GAPVD1: variants seen among roughly 807,000 people sequenced by gnomAD.
GAPVD1 encodes GTPase-activating protein and VPS9 domain-containing protein 1.
In GAPVD1, 35 loss-of-function variants were observed where a neutral mutation model predicts 155.5. That is an observed-to-expected ratio of 0.23 (90% CI 0.17 to 0.30). The LOEUF (loss-of-function observed/expected upper bound fraction) is 0.30, where lower values mean the gene tolerates loss of function less well. Ranked by LOEUF, GAPVD1 falls within the 10% of genes least tolerant of loss-of-function variation. The probability of loss-of-function intolerance (pLI) is 1.00; values close to 1 mark genes in which losing one functional copy is unlikely to be tolerated. For synonymous variants in GAPVD1, 636 were observed against 619.7 expected (o/e 1.03, Z -0.39); for missense variants, 1,429 against 1,775.7 (o/e 0.80, Z 3.51).
intron 1 of GAPVD1, among the ~76,000 whole-genome samples, chr9:125,266,565 G>A (rs944706963): frequency 6.6e-6 from 1 of 151,854 alleles, no homozygotes; most frequent in African/African-American, 2.4e-5. Flanking sequence ...CACCTGCCTC[G>A]GCCTCCCAAA....
chr9:125,313,080 A>C (rs190369369), intron 9 of GAPVD1, among the ~76,000 whole-genome samples: 16 of 152,204 alleles, frequency 1.1e-4, no homozygotes, highest in African/African-American at 3.9e-4. Flanking sequence ...TTTGCCTCCC[A>C]AAGTGCTGAG....
rs1254285692 is a variant in GAPVD1 at position 125,302,160 on chromosome 9, T to C, written c.363T>C (p.Asn121=). The change falls in exon 5 of 28, where the codon AAT becomes AAC. Residue 121 remains asparagine, a synonymous_variant. Coordinates refer to ENST00000297933, the MANE Select transcript of GAPVD1 (RefSeq NM_001282680.3). ...CTTTGGTTGCTGGAGAGAAACTTAATCAGGAGAACACACAAAGTGTTATTT... is the reference window on the plus strand; with the variant it reads ...CTTTGGTTGCTGGAGAGAAACTTAACCAGGAGAACACACAAAGTGTTATTT... The part of the protein sequence containing the change: ...ASSLVAGEKL[N]QENTQSVIYT... 6 of 1,613,936 alleles carry C rather than the reference T, an allele frequency of 3.7e-6. No homozygotes were observed. The highest frequency in any genetic ancestry group is 5.1e-6 in the Non-Finnish European group (6 of 1,179,982).
chr9:125,336,145 C>CAA (rs770093537), intron 15 of GAPVD1, among the ~76,000 whole-genome samples: 29 of 69,216 alleles, frequency 4.2e-4, no homozygotes, highest in African/African-American at 1.1e-3. Flanking sequence ...ACTTTGTCTC[C>CAA]AAAAAAAAAA....
intron 8 of GAPVD1, among the ~76,000 whole-genome samples, chr9:125,311,103 A>C (rs1842623629): frequency 6.6e-6 from 1 of 152,068 alleles, no homozygotes; most frequent in Non-Finnish European, 1.5e-5. Flanking sequence ...AGCCTCCCAG[A>C]GTGCTAGGAT....
chr9:125,271,786 A>G (rs544787952), intron 2 of GAPVD1, among the ~76,000 whole-genome samples: 1 of 151,796 alleles, frequency 6.6e-6, no homozygotes, highest in Non-Finnish European at 1.5e-5. Context: ...CCTGACCTCA[A>G]GTGATCCACC....
intron 13 of GAPVD1, 35 bp from the exon 14 acceptor site, chr9:125,331,891 T>C: frequency 1.9e-6 from 3 of 1,608,476 alleles, no homozygotes; most frequent in Non-Finnish European, 1.7e-6. Context: ...GCTAAGAGAA[T>C]CACAAATGTA....
chr9:125,288,519 T>G (rs1454991498), intron 2 of GAPVD1, among the ~76,000 whole-genome samples: 1 of 152,184 alleles, frequency 6.6e-6, no homozygotes, highest in African/African-American at 2.4e-5. Context: ...AAGCCTCTAA[T>G]AAGAATATGT....
At chr9:125,303,557 A>G (rs1841282978) in intron 5 of GAPVD1, among the ~76,000 whole-genome samples, 1 of 151,754 alleles carries the variant, frequency 6.6e-6, no homozygotes. Context: ...CGGGCGGATC[A>G]CCTGATGTCC....
At chr9:125,264,972 G>GC (rs1177286338) in intron 1 of GAPVD1, among the ~76,000 whole-genome samples, 2 of 152,062 alleles carry the variant, frequency 1.3e-5, no homozygotes, top group Non-Finnish European at 2.9e-5. Context: ...GCCCGCCTTG[G>GC]CCCCCCAGAG....
intron 2 of GAPVD1, among the ~76,000 whole-genome samples, chr9:125,293,830 AATATATATATAAAAATATATTTT>A (rs1839127625): frequency 8.6e-6 from 1 of 116,044 alleles, no homozygotes; most frequent in Non-Finnish European, 1.7e-5. Context: ...AATATAAAAA[AATATATATATAAAAATATATTTT>A]ATATATATAT....
Position 125,330,119 on chromosome 9 carries a change from C to G in GAPVD1, c.2074C>G (p.Pro692Ala). ...ENMLGSLLCL[P>A]GSGSVLLDPC... ...CATGTTAGGCAGTTTGCTGTGCCTC[C>G]CAGGTTCAGGGTCAGTGCTTCTTGA... The change falls in exon 13 of 28, where the codon CCA becomes GCA. Residue 692 changes from proline to alanine, a missense_variant. Coordinates refer to ENST00000297933, the MANE Select transcript of GAPVD1 (RefSeq NM_001282680.3). 6.2e-7 allele frequency: 1 copy of G among 1,612,438 alleles called. No individual in the cohort carries two copies. The highest frequency in any genetic ancestry group is 8.5e-7 in the Non-Finnish European group (1 of 1,178,838).
chr9:125,324,095 G>A (rs1350639257), intron 11 of GAPVD1, among the ~76,000 whole-genome samples, 172 bp downstream of exon 11: 2 of 152,004 alleles, frequency 1.3e-5, no homozygotes, highest in Non-Finnish European at 2.9e-5. Context: ...GTTGGTAAGT[G>A]GATTGTTTAG....
intron 24 of GAPVD1, 104 bp downstream of exon 24, chr9:125,354,945 C>A: frequency 1.5e-6 from 1 of 671,858 alleles, no homozygotes; most frequent in Admixed American, 2.7e-5. Context: ...ATCTGCATGC[C>A]TTAAATACCC....
chr9:125,265,295 G>T (rs1283008161), intron 1 of GAPVD1, among the ~76,000 whole-genome samples: 1 of 151,404 alleles, frequency 6.6e-6, no homozygotes, highest in Non-Finnish European at 1.5e-5. Flanking sequence ...TTGAAACAAG[G>T]TCTTGCTGCA....
intron 2 of GAPVD1, among the ~76,000 whole-genome samples, chr9:125,294,508 G>A (rs888133263): frequency 5.3e-5 from 8 of 150,212 alleles, no homozygotes; most frequent in Non-Finnish European, 8.9e-5. Flanking sequence ...CACCATGCCC[G>A]GCTAATTTTT....
chr9:125,263,459 C>G lies in GAPVD1; in HGVS notation c.-199+1500C>G, dbSNP rs1186574838. Reference sequence around the variant, plus strand: ...CGAGACTCCGTCTCAAAAAACAAAACAAAACAAAAAAACTCCTGAAATAGA... The same window carrying G: ...CGAGACTCCGTCTCAAAAAACAAAAGAAAACAAAAAAACTCCTGAAATAGA... On this transcript the variant is annotated intron_variant, in intron 1 of 27. Transcript: ENST00000297933. The G allele has an allele frequency of 2.9e-5, 18 of 618,458 alleles. 1 individual carries two copies. Among genetic ancestry groups the G allele is most frequent in the South Asian group, 2.8e-4 (17 of 60,590 alleles). 38.3% of individuals were successfully genotyped at this position (618,458 alleles called of 1,614,324 possible).
intron 2 of GAPVD1, among the ~76,000 whole-genome samples, chr9:125,292,038 T>G (rs1222248634): frequency 6.6e-6 from 1 of 152,016 alleles, no homozygotes; most frequent in Non-Finnish European, 1.5e-5. Context: ...GCCCAAGAGT[T>G]TGAGACCTGA....
At chr9:125,263,883 C>T in intron 1 of GAPVD1, 1 of 1,418,278 alleles carries the variant, frequency 7.1e-7, no homozygotes, top group East Asian at 2.3e-5. Flanking sequence ...TACTGGATAC[C>T]CTCATTGGTA....
At chr9:125,344,502 A>G (rs1018625518) in intron 19 of GAPVD1, among the ~76,000 whole-genome samples, 7 of 152,222 alleles carry the variant, frequency 4.6e-5, no homozygotes, top group African/African-American at 1.4e-4. Flanking sequence ...TATAAATTGC[A>G]TTTTTTGTTT....
Sources: allele counts gnomAD v4.1 joint callset (sites outside exome capture counted in the v4.1 genomes callset), GRCh38; gene constraint gnomAD v4.1.1; transcripts MANE v1.5; gene names NCBI Gene and HGNC (gene_info 2026-07-23, HGNC 2026-07-21).